The following PIEZO2 variants were observed in gnomAD, a reference collection of about 807,000 sequenced individuals.
The protein encoded by PIEZO2 is piezo-type mechanosensitive ion channel component 2.
A neutral mutation model predicts 337.3 loss-of-function variants in PIEZO2; 172 were observed. The observed-to-expected ratio is 0.51, with a 90% CI of 0.45 to 0.58. The LOEUF is 0.58. Ranked by LOEUF, PIEZO2 falls within the 20% of genes least tolerant of loss-of-function variation. PIEZO2 has a pLI of 0.00. For missense variants in PIEZO2, 3,028 were observed against 3,391.3 expected (o/e 0.89, Z 2.66); for synonymous variants, 1,251 against 1,228.5 (o/e 1.02, Z -0.38).
intron 4 of PIEZO2, among the ~76,000 whole-genome samples, chr18:10,897,245 G>C (rs571894209): frequency 6.6e-6 from 1 of 151,618 alleles, no homozygotes; most frequent in Non-Finnish European, 1.5e-5. Flanking sequence ...GAAGTGCAGT[G>C]GTGCAACCTC....
chr18:10,960,434 A>G (rs1309368369), intron 3 of PIEZO2, among the ~76,000 whole-genome samples: 1 of 152,210 alleles, frequency 6.6e-6, no homozygotes, highest in African/African-American at 2.4e-5. Flanking sequence ...AGTATTAAAA[A>G]CATGAAGAGT....
At chr18:10,831,690 G>T (rs2040846720) in intron 7 of PIEZO2, among the ~76,000 whole-genome samples, 1 of 152,154 alleles carries the variant, frequency 6.6e-6, no homozygotes, top group Non-Finnish European at 1.5e-5. Flanking sequence ...TGCTTGAGGT[G>T]ATGGATACCC....
At position 10,833,260 on chromosome 18, in the gene PIEZO2, C is replaced by G. The variant is rs1008715453; in HGVS notation, c.917+22093G>C. ...AGGGTAACAGGTACCCTGGGTGCGTCAGTGGCAGCACAGAGATGAAACACA... is the reference window on the plus strand; with the variant it reads ...AGGGTAACAGGTACCCTGGGTGCGTGAGTGGCAGCACAGAGATGAAACACA... On this transcript the variant is annotated intron_variant, in intron 7 of 55. Transcript: ENST00000674853. This position sits in a 1 kb window ranked among gnomAD's most constrained non-coding sequence, Gnocchi z 4.7. Among the ~76,000 whole-genome samples, 1 of 152,124 alleles carries G rather than the reference C, an allele frequency of 6.6e-6. No individual in the cohort carries two copies. The highest frequency in any genetic ancestry group is 2.4e-5 in the African/African-American group (1 of 41,426).
rs58831248 is a variant in PIEZO2, at chr18:10,835,547, C to CTTT, written c.917+19803_917+19805dup. On this transcript the variant is annotated intron_variant, in intron 7 of 55. Coordinates refer to ENST00000674853, the MANE Select transcript of PIEZO2 (RefSeq NM_001378183.1). The stretch of plus-strand genomic sequence containing the variant: ...ACACAGTAAAACTCCTAACCAAGTT[C>CTTT]TTTTTTTTTTTTTTGAGACGGAGTC... Among the ~76,000 whole-genome samples the CTTT allele has an allele frequency of 7.8e-3, 1,146 of 146,358 alleles. 15 individuals are homozygous for CTTT. The highest frequency in any genetic ancestry group is 0.024 in the African/African-American group (953 of 40,008).
rs759085167 is a variant in PIEZO2 at position 10,899,716 on chromosome 18, T to C, written c.329+11470A>G. On this transcript the variant is annotated intron_variant, in intron 4 of 55. Transcript: ENST00000674853. The surrounding 1 kb of genome is among the most constrained non-coding windows in gnomAD (Gnocchi z 4.6). ...TGAATTTCCTGTCTACTGTTCATCATGCTGTCTACACCAAGACTTGAAATG... is the reference window on the plus strand; with the variant it reads ...TGAATTTCCTGTCTACTGTTCATCACGCTGTCTACACCAAGACTTGAAATG... Among the ~76,000 whole-genome samples, 5 of 152,218 alleles carry C rather than the reference T, an allele frequency of 3.3e-5. No homozygotes were observed. Among genetic ancestry groups the C allele is most frequent in the Non-Finnish European group, 7.3e-5 (5 of 68,038 alleles).
At position 10,715,677 on chromosome 18, in the gene PIEZO2, T is replaced by C; in HGVS notation, c.5229A>G (p.Arg1743=). 1 of 1,535,510 alleles carries C rather than the reference T, an allele frequency of 6.5e-7. No individual in the cohort carries two copies. The highest frequency in any genetic ancestry group is 8.7e-7 in the Non-Finnish European group (1 of 1,146,312). The change falls in exon 38 of 56, where the codon CGA becomes CGG. Residue 1743 remains arginine, a synonymous_variant. Coordinates refer to ENST00000674853, the MANE Select transcript of PIEZO2 (RefSeq NM_001378183.1). ...TCTTAATTTCTCTGGTCAGCATGCATCGTTCAATTCTCAGAACTGTAGATA... is the reference window on the plus strand; with the variant it reads ...TCTTAATTTCTCTGGTCAGCATGCACCGTTCAATTCTCAGAACTGTAGATA... The part of the protein sequence containing the change: ...IDISTVLRIE[R]CMLTREIKKG...
In PIEZO2 at chr18:10,824,475, G is replaced by C. The variant is rs1178838357; in HGVS notation, c.918-17201C>G. On this transcript the variant is annotated intron_variant, in intron 7 of 55. Coordinates refer to ENST00000674853, the MANE Select transcript of PIEZO2 (RefSeq NM_001378183.1). This position sits in a 1 kb window ranked among gnomAD's most constrained non-coding sequence, Gnocchi z 4.4. ...TTTGTTGGCTATGAACAGTAATAGT[G>C]CAAAGCTAATAAAATTTTAAATGAA... Among the ~76,000 whole-genome samples, 3 of 152,048 alleles carry C rather than the reference G, an allele frequency of 2.0e-5. No homozygotes were observed. The highest frequency in any genetic ancestry group is 4.4e-5 in the Non-Finnish European group (3 of 68,006).
chr18:11,142,229 A>T (rs1847135529), intron 1 of PIEZO2, among the ~76,000 whole-genome samples: 1 of 152,240 alleles, frequency 6.6e-6, no homozygotes, highest in South Asian at 2.1e-4. Context: ...ACCCAACAAC[A>T]CATTGAAAAA....
chr18:10,689,804 T>C lies in PIEZO2; in HGVS notation c.7350-2A>G. ...GTCAAAAAGGGCACGAGGCGAAACC[T>C]GGCAGGAAACACATCTCGTCAGAGA... is the stretch of plus-strand genomic sequence containing the variant. On this transcript the variant is annotated splice_acceptor_variant, in intron 48 of 55. Transcript: ENST00000674853. LOFTEE classifies it high-confidence loss of function. 1 of 1,604,802 alleles carries C rather than the reference T, an allele frequency of 6.2e-7. No homozygotes were observed. The highest frequency in any genetic ancestry group is 8.5e-7 in the Non-Finnish European group (1 of 1,174,752).
At chr18:11,044,390 C>T (rs181697157) in intron 2 of PIEZO2, among the ~76,000 whole-genome samples, 123 of 152,228 alleles carry the variant, frequency 8.1e-4, no homozygotes, top group African/African-American at 2.8e-3. Context: ...TAACACAGTA[C>T]GGCACTTTGA....
At chr18:10,803,037 G>A (rs1428863830) in intron 9 of PIEZO2, among the ~76,000 whole-genome samples, 3 of 151,526 alleles carry the variant, frequency 2.0e-5, no homozygotes, top group Non-Finnish European at 4.4e-5. Context: ...TTTGCTACTC[G>A]ATCAGACTCA....
rs1479175017 is a variant in PIEZO2, at chr18:10,783,760, A to G, written c.2492+1024T>C. Among the ~76,000 whole-genome samples, 1 of 152,230 alleles carries G rather than the reference A, an allele frequency of 6.6e-6. No individual in the cohort carries two copies. The highest frequency in any genetic ancestry group is 2.4e-5 in the African/African-American group (1 of 41,450). Reference sequence around the variant, plus strand: ...CAGAATGATAGGCGAAACACAACACAATAAGAAAAGTGAATCTGCTGGTCA... The same window carrying G: ...CAGAATGATAGGCGAAACACAACACGATAAGAAAAGTGAATCTGCTGGTCA... On this transcript the variant is annotated intron_variant, in intron 17 of 55. Coordinates refer to ENST00000674853, the MANE Select transcript of PIEZO2 (RefSeq NM_001378183.1). The surrounding 1 kb of genome is among the most constrained non-coding windows in gnomAD (Gnocchi z 4.3).
At chr18:11,119,616 A>T (rs1193584983) in intron 1 of PIEZO2, among the ~76,000 whole-genome samples, 1 of 152,226 alleles carries the variant, frequency 6.6e-6, no homozygotes, top group African/African-American at 2.4e-5. Context: ...CGAAGGTAGC[A>T]GGGGTTTAGA....
chr18:10,770,440 A>G, intron 20 of PIEZO2, 132 bp from the exon 21 acceptor site: 2 of 840,946 alleles, frequency 2.4e-6, no homozygotes, highest in South Asian at 4.0e-5. Flanking sequence ...AAGAAAACCA[A>G]AATCTGGAAT....
At chr18:10,679,074 A>G (rs1031953018) in intron 52 of PIEZO2, among the ~76,000 whole-genome samples, 1 of 151,818 alleles carries the variant, frequency 6.6e-6, no homozygotes, top group Non-Finnish European at 1.5e-5. Context: ...CTGGGATTAC[A>G]GGCATGCGCT....
intron 2 of PIEZO2, among the ~76,000 whole-genome samples, chr18:11,057,801 C>A (rs1328576787): frequency 1.3e-5 from 2 of 152,246 alleles, no homozygotes. Context: ...ACAATACCCA[C>A]CAGTTAAGTG....
intron 36 of PIEZO2, among the ~76,000 whole-genome samples, chr18:10,722,197 T>G (rs1049912437): frequency 2.0e-5 from 3 of 149,458 alleles, no homozygotes; most frequent in Non-Finnish European, 4.4e-5. Context: ...ATAGAAAATC[T>G]GGGAAACATC....
intron 32 of PIEZO2, among the ~76,000 whole-genome samples, chr18:10,741,958 C>A (rs2037236815): frequency 6.6e-6 from 1 of 151,974 alleles, no homozygotes; most frequent in African/African-American, 2.4e-5. Flanking sequence ...TCGAGACCAT[C>A]CGTGCTAACA....
chr18:11,091,383 CA>C (rs529307821), intron 1 of PIEZO2, among the ~76,000 whole-genome samples: 4,441 of 77,714 alleles, frequency 0.057, 107 homozygotes, highest in African/African-American at 0.17. Flanking sequence ...GACTCCGTCT[CA>C]AAAAAAAAAA....
Sources: gnomAD v4.1 joint callset for allele counts (sites outside exome capture counted in the v4.1 genomes callset) on GRCh38, gnomAD v4.1.1 for gene constraint, Gnocchi (gnomAD v3.1) non-coding constraint, MANE v1.5 for transcripts, NCBI Gene and HGNC (gene_info 2026-07-23, HGNC 2026-07-21) for gene names.